Variants in TMPRSS6 observed in about 807,000 individuals in gnomAD.
The protein encoded by TMPRSS6 is transmembrane protease serine 6.
A neutral mutation model predicts 101.5 loss-of-function variants in TMPRSS6; 67 were observed. The observed-to-expected ratio is 0.66, with a 90% confidence interval of 0.54 to 0.81. The LOEUF (loss-of-function observed/expected upper bound fraction) is 0.81. TMPRSS6 is among the 30% of genes least tolerant of loss of function. The pLI, the probability that TMPRSS6 is intolerant of heterozygous loss-of-function variation, is 0.00. For missense variants in TMPRSS6, 1,034 were observed against 1,088.7 expected (o/e 0.95, Z 0.71); for synonymous variants, 453 against 464.9 (o/e 0.97, Z 0.33).
chr22:37,099,327 T>A (rs1466078863), intron 2 of TMPRSS6, among the ~76,000 whole-genome samples: 1 of 152,108 alleles, frequency 6.6e-6, no homozygotes, highest in Non-Finnish European at 1.5e-5. Context: ...CAGTCAGAGA[T>A]GGGGAGGGGC....
At chr22:37,083,473 G>A (rs141876047) in intron 10 of TMPRSS6, among the ~76,000 whole-genome samples, 70 of 152,260 alleles carry the variant, frequency 4.6e-4, no homozygotes, top group African/African-American at 1.6e-3. Context: ...CGTCTTAAAT[G>A]TCCCCTTCCT....
intron 10 of TMPRSS6, chr22:37,080,195 C>CCT (rs1928152928): frequency 1.3e-5 from 2 of 152,332 alleles, no homozygotes; most frequent in African/African-American, 4.8e-5. Context: ...CACCCCCAGG[C>CCT]CACTCAAGGG....
intron 1 of TMPRSS6, among the ~76,000 whole-genome samples, chr22:37,105,132 C>T (rs746189233): frequency 3.9e-5 from 6 of 152,264 alleles, no homozygotes; most frequent in East Asian, 1.9e-4. Context: ...CTCCCAGCTT[C>T]CTGGCTCCCT....
intron 16 of TMPRSS6, chr22:37,068,638 G>A (rs1926557139): frequency 1.3e-6 from 1 of 779,672 alleles, no homozygotes; most frequent in Non-Finnish European, 2.4e-6. Context: ...CTGAGCCTTG[G>A]TTTCTCCATC....
chr22:37,083,383 A>G (rs532081656), intron 10 of TMPRSS6, among the ~76,000 whole-genome samples: 5 of 151,982 alleles, frequency 3.3e-5, no homozygotes, highest in Admixed American at 6.5e-5. Flanking sequence ...ACTCTAAACA[A>G]TATTACCTGC....
chr22:37,073,471 C>G (rs1927330226), intron 13 of TMPRSS6, 61 bp downstream of exon 13: 1 of 1,143,292 alleles, frequency 8.7e-7, no homozygotes, highest in Non-Finnish European at 1.3e-6. Flanking sequence ...TTTGCTGAAG[C>G]ATGTAGCAGG....
chr22:37,073,575 C>G lies in TMPRSS6; in HGVS notation c.1512G>C (p.Gln504His). The G allele has an allele frequency of 6.2e-7, 1 of 1,614,154 alleles. No homozygotes were observed. Among genetic ancestry groups the G allele is most frequent in the Non-Finnish European group, 8.5e-7 (1 of 1,180,004 alleles). Residue 504 changes from glutamine (Q) to histidine (H), a missense_variant, in exon 13 of 18, where the codon CAG becomes CAC. Coordinates refer to ENST00000676104, the MANE Select transcript of TMPRSS6 (RefSeq NM_001374504.1). Reference sequence around the variant, plus strand: ...CGTCGCTGCCGTTGAGACAATCAGGCTGCCCATCACAGACCTTGGGCAGTG... The same window carrying G: ...CGTCGCTGCCGTTGAGACAATCAGGGTGCCCATCACAGACCTTGGGCAGTG... ...CISLPKVCDG[Q>H]PDCLNGSDEE...
rs751022719 is a variant in TMPRSS6 at position 37,075,163 on chromosome 22, C to T, written c.1314G>A (p.Val438=). The T allele has an allele frequency of 3.7e-6, 6 of 1,614,098 alleles. No homozygotes were observed. The highest frequency in any genetic ancestry group is 2.2e-5 in the East Asian group (1 of 44,882). The change falls in exon 11 of 18, where the codon GTG becomes GTA. Residue 438 remains valine (V), a synonymous_variant. Transcript: ENST00000676104. ...QISLTGPGVR[V]HYGLYNQSDP... ...CCGACTGGTTGTACAAGCCATAGTG[C>T]ACCCGCACACCGGGCCCGGTGAGGG...
upstream of TMPRSS6, among the ~76,000 whole-genome samples, chr22:37,109,970 C>T (rs1930965031): frequency 6.6e-6 from 1 of 151,942 alleles, no homozygotes; most frequent in South Asian, 2.1e-4. Context: ...AGGGTGAGTC[C>T]AGGTGCTTAC....
chr22:37,065,967 C>T lies in TMPRSS6; in HGVS notation c.*113G>A. The T allele has an allele frequency of 1.4e-6, 2 of 1,414,598 alleles. No individual in the cohort carries two copies. The highest frequency in any genetic ancestry group is 1.2e-5 in the South Asian group (1 of 83,956). The allele number at this position is 1,414,598 out of a possible 1,614,324, so 87.6% of individuals were successfully genotyped here. A position where few individuals can be genotyped will look rare whatever the true frequency, so the allele number is the denominator to read the frequency against. ...GACAAGATGCCACCTCCTGCCACCA[C>T]AGGGCCTGCTCTCTCCCCCACCCCC... On this transcript the variant is annotated 3_prime_UTR_variant, in exon 18 of 18. Transcript: ENST00000676104.
intron 3 of TMPRSS6, 97 bp from the exon 4 acceptor site, chr22:37,096,812 G>C (rs942024312): frequency 8.4e-7 from 1 of 1,186,904 alleles, no homozygotes; most frequent in Non-Finnish European, 1.2e-6. Flanking sequence ...TGGCAGCCCC[G>C]CTCCATGCAT....
rs1337098081 is a variant in TMPRSS6, at chr22:37,101,524, C to T, written c.202+1692G>A. On this transcript the variant is annotated intron_variant, in intron 2 of 17. Coordinates refer to ENST00000676104, the MANE Select transcript of TMPRSS6 (RefSeq NM_001374504.1). This position sits in a 1 kb window ranked among gnomAD's most constrained non-coding sequence, Gnocchi z 4.1. Reference sequence around the variant, plus strand: ...ACCTCCTCTTCCAGACAGGGCAGGGCGTGTCTCTGATCCACTTCCTTGCCC... The same window carrying T: ...ACCTCCTCTTCCAGACAGGGCAGGGTGTGTCTCTGATCCACTTCCTTGCCC... 3.9e-5 allele frequency among the ~76,000 whole-genome samples: 6 copies of T among 152,062 alleles called. No homozygotes were observed. The highest frequency in any genetic ancestry group is 4.1e-4 in the South Asian group (2 of 4,836).
intron 12 of TMPRSS6, among the ~76,000 whole-genome samples, chr22:37,074,051 T>C (rs1927393001): frequency 6.6e-6 from 1 of 152,172 alleles, no homozygotes; most frequent in Admixed American, 6.5e-5. Context: ...GCCCGGCCTC[T>C]TTCTCTGCTA....
At chr22:37,098,147 T>C (rs1202643781) in intron 3 of TMPRSS6, among the ~76,000 whole-genome samples, 6 of 150,600 alleles carry the variant, frequency 4.0e-5, no homozygotes, top group Non-Finnish European at 8.9e-5. Context: ...CCCTCAATAG[T>C]GTCAGCTGCA....
intron 14 of TMPRSS6, 130 bp downstream of exon 14, chr22:37,070,786 C>A (rs1266875002): frequency 3.1e-6 from 4 of 1,310,650 alleles, no homozygotes; most frequent in Non-Finnish European, 4.4e-6. Flanking sequence ...ACCATCAGGA[C>A]CCAGGCAAGG....
At position 37,103,632 on chromosome 22, in the gene TMPRSS6, G is replaced by A; in HGVS notation, c.-1-214C>T. The A allele has an allele frequency of 2.5e-6, 4 of 1,580,256 alleles. No homozygotes were observed. In the South Asian group the frequency reaches 3.3e-5, roughly 13 times the overall value. On this transcript the variant is annotated intron_variant, in intron 1 of 17. Coordinates refer to ENST00000676104, the MANE Select transcript of TMPRSS6 (RefSeq NM_001374504.1). This position sits in a 1 kb window ranked among gnomAD's most constrained non-coding sequence, Gnocchi z 4.4. ...CTCGCACCAGAGGGCAGGCACCAGA[G>A]CTGGACTGGGTCTGGCTCAAGAACC...
intron 7 of TMPRSS6, among the ~76,000 whole-genome samples, 160 bp downstream of exon 7, chr22:37,089,418 C>T (rs895395973): frequency 6.6e-6 from 1 of 152,080 alleles, no homozygotes; most frequent in Non-Finnish European, 1.5e-5. Context: ...CTCCAGCCTC[C>T]TCTCCCCTAT....
rs1169109310 is a variant in TMPRSS6, at chr22:37,096,021, G to T, written c.474C>A (p.Ser158Arg). ...CCAGCAGTGCCTGCACCACCTCGGG[G>T]CTCAGCATCAGCCGGCGGTGCTCGG... ...QIPEHRRLML[S>R]PEVVQALLVE... Residue 158 changes from serine to arginine, a missense_variant, in exon 5 of 18, where the codon AGC becomes AGA. By Grantham distance (110) the Ser-to-Arg change is moderately radical. Coordinates refer to ENST00000676104, the MANE Select transcript of TMPRSS6 (RefSeq NM_001374504.1). The T allele has an allele frequency of 1.9e-6, 3 of 1,614,124 alleles. No individual in the cohort carries two copies. Among genetic ancestry groups the T allele is most frequent in the African/African-American group, 2.7e-5 (2 of 74,942 alleles).
At chr22:37,086,825 C>T (rs893313690) in intron 7 of TMPRSS6, among the ~76,000 whole-genome samples, 4 of 152,158 alleles carry the variant, frequency 2.6e-5, no homozygotes, top group South Asian at 2.1e-4. Context: ...TCTGGCACCG[C>T]GACTCCTGGC....
Sources: gnomAD v4.1 joint callset for allele counts (sites outside exome capture counted in the v4.1 genomes callset) on GRCh38, gnomAD v4.1.1 for gene constraint, Gnocchi (gnomAD v3.1) non-coding constraint, MANE v1.5 for transcripts, NCBI Gene and HGNC (gene_info 2026-07-23, HGNC 2026-07-21) for gene names.